The following GPR107 variants were observed in gnomAD, a reference collection of about 807,000 sequenced individuals.
GPR107 encodes the protein protein GPR107.
GPR107 carries 31 observed loss-of-function variants against 75.5 expected under a neutral mutation model. That is an observed-to-expected ratio of 0.41 (90% CI 0.31 to 0.55). The LOEUF (loss-of-function observed/expected upper bound fraction) is 0.55. Ranked by LOEUF, GPR107 falls within the 20% of genes least tolerant of loss-of-function variation. The probability of loss-of-function intolerance (pLI) is 0.26; values close to 1 mark genes in which losing one functional copy is unlikely to be tolerated. For missense variants in GPR107, 572 were observed against 665.7 expected (o/e 0.86, Z 1.55); for synonymous variants, 267 against 251.3 (o/e 1.06, Z -0.59).
Position 130,135,913 on chromosome 9 carries a change from C to T in GPR107, c.*792C>T, listed in dbSNP as rs1831945334. Reference sequence around the variant, plus strand: ...AAGTTCAAAAAGCATTATCCTGTGGCGTTGCCTGGACATCCACTCCCTGAC... The same window carrying T: ...AAGTTCAAAAAGCATTATCCTGTGGTGTTGCCTGGACATCCACTCCCTGAC... On this transcript the variant is annotated 3_prime_UTR_variant, in exon 18 of 18. Transcript: ENST00000347136. 1 of 152,260 alleles carries T rather than the reference C, an allele frequency of 6.6e-6. No homozygotes were observed. Among genetic ancestry groups the T allele is most frequent in the African/African-American group, 2.4e-5 (1 of 41,444 alleles). The allele number at this position is 152,260 out of a possible 1,614,324, so 9.4% of individuals were successfully genotyped here.
chr9:130,056,968 G>C (rs1204164672), intron 1 of GPR107, among the ~76,000 whole-genome samples: 1 of 133,584 alleles, frequency 7.5e-6, no homozygotes, highest in African/African-American at 2.9e-5. Flanking sequence ...TCACAAATTT[G>C]TGTTGGGCCG....
At chr9:130,134,419 A>G (rs1831902103) in intron 17 of GPR107, among the ~76,000 whole-genome samples, 1 of 152,226 alleles carries the variant, frequency 6.6e-6, no homozygotes, top group African/African-American at 2.4e-5. Flanking sequence ...CAACAGACAG[A>G]GCCCCGGGAG....
rs150110728 is a variant in GPR107 at position 130,133,816 on chromosome 9, G to A, written c.1563-1209G>A. Among the ~76,000 whole-genome samples the A allele has an allele frequency of 3.0e-3, 456 of 152,300 alleles. 3 individuals are homozygous for A. The highest frequency in any genetic ancestry group is 0.01 in the Middle Eastern group (3 of 294). ...AAAGGACTCGTTTGAGAAAGGTTCC[G>A]GCTTGGGGGATTCTTTGAGCCTGGG... On this transcript the variant is annotated intron_variant, in intron 17 of 17. Transcript: ENST00000347136.
At chr9:130,092,909 G>T (rs1047086823) in intron 9 of GPR107, among the ~76,000 whole-genome samples, 1 of 152,098 alleles carries the variant, frequency 6.6e-6, no homozygotes, top group Non-Finnish European at 1.5e-5. Context: ...ATGAGCCACC[G>T]TGCCTGGCCC....
At chr9:130,057,839 T>A (rs553462287) in intron 1 of GPR107, among the ~76,000 whole-genome samples, 5,158 of 145,346 alleles carry the variant, frequency 0.035, 253 homozygotes, top group African/African-American at 0.11. Context: ...TATTATTATT[T>A]TTTTTTTTTG....
intron 1 of GPR107, among the ~76,000 whole-genome samples, chr9:130,070,234 T>C (rs1162724714): frequency 6.6e-6 from 1 of 150,834 alleles, no homozygotes; most frequent in Non-Finnish European, 1.5e-5. Context: ...AATACGGGGC[T>C]CAAGTGATCC....
intron 5 of GPR107, among the ~76,000 whole-genome samples, chr9:130,080,423 C>G (rs1247435924): frequency 6.6e-6 from 1 of 151,950 alleles, no homozygotes; most frequent in Non-Finnish European, 1.5e-5. Flanking sequence ...GGGGTATTTT[C>G]TTTTCAAAAA....
At chr9:130,128,267 T>C (rs1197013379) in intron 16 of GPR107, among the ~76,000 whole-genome samples, 1 of 152,206 alleles carries the variant, frequency 6.6e-6, no homozygotes, top group Non-Finnish European at 1.5e-5. Context: ...CGATAATAAG[T>C]ATCTTTGCGA....
At chr9:130,101,356 G>T in intron 12 of GPR107, 133 bp downstream of exon 12, 1 of 676,250 alleles carries the variant, frequency 1.5e-6, no homozygotes, top group Non-Finnish European at 2.7e-6. Flanking sequence ...TGAAGACTGA[G>T]ATTCTCTTTC....
rs1831271183 is a variant in GPR107 at position 130,110,543 on chromosome 9, A to C, written c.1306+3004A>C. 3 of 677,200 alleles carry C rather than the reference A, an allele frequency of 4.4e-6. No individual in the cohort carries two copies. The Admixed American group carries it at 6.6e-5, about 15-fold the overall frequency. The allele number at this position is 677,200 out of a possible 1,614,324, so 41.9% of individuals were successfully genotyped here. ...GAGGGACAGAGCAGATTAGAACGGG[A>C]TTGTCATTTTGGTTCATGTTCTTTT... On this transcript the variant is annotated intron_variant, in intron 14 of 17. Transcript: ENST00000347136.
At chr9:130,128,462 C>T (rs1207102389) in intron 16 of GPR107, among the ~76,000 whole-genome samples, 178 bp from the exon 17 acceptor site, 1 of 152,196 alleles carries the variant, frequency 6.6e-6, no homozygotes, top group Non-Finnish European at 1.5e-5. Flanking sequence ...GGGCAGGACA[C>T]TCCTCGTTTA....
intron 1 of GPR107, among the ~76,000 whole-genome samples, chr9:130,072,773 A>G (rs899330771): frequency 6.6e-6 from 1 of 152,114 alleles, no homozygotes; most frequent in Non-Finnish European, 1.5e-5. Flanking sequence ...GAAAAAAAAA[A>G]CAAAACAACA....
intron 1 of GPR107, among the ~76,000 whole-genome samples, chr9:130,073,107 G>T (rs952772975): frequency 2.4e-4 from 36 of 152,082 alleles, no homozygotes; most frequent in African/African-American, 8.5e-4. Context: ...CTTCACCTCC[G>T]TCACCACAGA....
intron 14 of GPR107, among the ~76,000 whole-genome samples, chr9:130,117,334 C>A (rs181525073): frequency 2.0e-5 from 3 of 152,320 alleles, no homozygotes; most frequent in African/African-American, 7.2e-5. Flanking sequence ...CTTGACCACT[C>A]GTAGCCTTTC....
chr9:130,101,343 G>A (rs1831028508), intron 12 of GPR107, 120 bp downstream of exon 12: 2 of 684,386 alleles, frequency 2.9e-6, no homozygotes, highest in Non-Finnish European at 5.4e-6. Context: ...TGCTAGTGGA[G>A]GTTGAAGACT....
chr9:130,132,258 T>A (rs1396468145), intron 17 of GPR107, among the ~76,000 whole-genome samples: 1 of 152,168 alleles, frequency 6.6e-6, no homozygotes, highest in Non-Finnish European at 1.5e-5. Flanking sequence ...CAGTGCCAGT[T>A]TCCTGGCCGC....
chr9:130,072,278 G>A (rs1426418832), intron 1 of GPR107, among the ~76,000 whole-genome samples: 1 of 151,142 alleles, frequency 6.6e-6, no homozygotes, highest in Non-Finnish European at 1.5e-5. Context: ...GAGTGCAGTG[G>A]CGTGATCTCG....
At position 130,086,420 on chromosome 9, in the gene GPR107, G is replaced by C. The variant is rs640343; in HGVS notation, c.565G>C (p.Ala189Pro). 0.016 allele frequency: 23,231 copies of C among 1,459,096 alleles called. 377 individuals are homozygous for C. Among genetic ancestry groups the C allele is most frequent in the Middle Eastern group, 0.058 (334 of 5,770 alleles). The allele number at this position is 1,459,096 out of a possible 1,614,324, so 90.4% of individuals were successfully genotyped here. ...KSKRSTVDSK[A>P]MGEKSFSVHN... ...AAAACATACTATTATGTCTTTTTAG[G>C]CCATGGGAGAGAAATCCTTTTCTGT... The change falls in exon 7 of 18, where the codon GCC becomes CCC. Residue 189 changes from alanine to proline, a missense_variant and splice_region_variant. Coordinates refer to ENST00000347136, the MANE Select transcript of GPR107 (RefSeq NM_020960.5).
At chr9:130,073,209 C>G (rs1830253515) in intron 1 of GPR107, among the ~76,000 whole-genome samples, 1 of 152,190 alleles carries the variant, frequency 6.6e-6, no homozygotes, top group African/African-American at 2.4e-5. Flanking sequence ...TGTTCATTTT[C>G]CCTCATCCTC....
Sources: gnomAD v4.1 joint callset for allele counts (sites outside exome capture counted in the v4.1 genomes callset) on GRCh38, gnomAD v4.1.1 for gene constraint, MANE v1.5 for transcripts, NCBI Gene and HGNC (gene_info 2026-07-23, HGNC 2026-07-21) for gene names.